The following PCDHGA9 variants were observed in gnomAD, a reference collection of about 807,000 sequenced individuals.
PCDHGA9 encodes the protein protocadherin gamma-A9.
Under a neutral mutation model 62.5 loss-of-function variants are expected in PCDHGA9, and 37 were observed. The observed-to-expected ratio is 0.59, with a 90% CI of 0.46 to 0.78. The LOEUF (loss-of-function observed/expected upper bound fraction) is 0.78, where lower values mean the gene tolerates loss of function less well. PCDHGA9 is among the 30% of genes least tolerant of loss of function. PCDHGA9 has a pLI of 0.00. For missense variants in PCDHGA9, 1,138 were observed against 1,166.2 expected (o/e 0.98, Z 0.35); for synonymous variants, 459 against 484.6 (o/e 0.95, Z 0.69).
rs1193095881 is a variant in PCDHGA9 at position 141,490,273 on chromosome 5, G to T, written c.2425-4534G>T. On this transcript the variant is annotated intron_variant, in intron 1 of 3. Coordinates refer to ENST00000573521, the MANE Select transcript of PCDHGA9 (RefSeq NM_018921.3). This position sits in a 1 kb window ranked among gnomAD's most constrained non-coding sequence, Gnocchi z 5.4. ...TCAAGTGGATGTGGGGGATGTCAAT[G>T]ACAATGCCCCAGAGGTGCTATTGGC... 6.2e-7 allele frequency: 1 copy of T among 1,614,108 alleles called. No homozygotes were observed. The highest frequency in any genetic ancestry group is 8.5e-7 in the Non-Finnish European group (1 of 1,180,052).
chr5:141,404,796 G>T lies in PCDHGA9; in HGVS notation c.1844G>T (p.Gly615Val). Residue 615 changes from glycine (G) to valine (V), a missense_variant, in exon 1 of 4, where the codon GGG (glycine) becomes GTG (valine). Physicochemically the swap from Gly to Val is moderately radical, Grantham distance 109. Transcript: ENST00000573521. ...CGCCTATTCAAGGCCAGTGAGCCAG[G>T]GCTCTTCTCGGTGGGGCTGCACACA... The part of the protein sequence containing the change: ...SYRLFKASEP[G>V]LFSVGLHTGE... 6.2e-7 allele frequency: 1 copy of T among 1,613,970 alleles called. No individual in the cohort carries two copies. The highest frequency in any genetic ancestry group is 8.5e-7 in the Non-Finnish European group (1 of 1,180,026).
At chr5:141,453,087 T>G (rs2098755775) in intron 1 of PCDHGA9, among the ~76,000 whole-genome samples, 1 of 152,150 alleles carries the variant, frequency 6.6e-6, no homozygotes, top group Non-Finnish European at 1.5e-5. Context: ...TTGATTAGTA[T>G]ATTTTCTGTT....
At position 141,487,329 on chromosome 5, in the gene PCDHGA9, C is replaced by T; in HGVS notation, c.2425-7478C>T. On this transcript the variant is annotated intron_variant, in intron 1 of 3. Coordinates refer to ENST00000573521, the MANE Select transcript of PCDHGA9 (RefSeq NM_018921.3). This position sits in a 1 kb window ranked among gnomAD's most constrained non-coding sequence, Gnocchi z 5.0. Reference sequence around the variant, plus strand: ...CTACTCTCTAAGTGTCTTCGTGGGGCAGCCTGTGGAGTCACATGCTTTCCT... The same window carrying T: ...CTACTCTCTAAGTGTCTTCGTGGGGTAGCCTGTGGAGTCACATGCTTTCCT... 1 of 1,614,170 alleles carries T rather than the reference C, an allele frequency of 6.2e-7. No homozygotes were observed. The highest frequency in any genetic ancestry group is 1.1e-5 in the South Asian group (1 of 91,070).
chr5:141,465,689 C>A (rs2099107540), intron 1 of PCDHGA9, among the ~76,000 whole-genome samples: 1 of 152,162 alleles, frequency 6.6e-6, no homozygotes, highest in African/African-American at 2.4e-5. Context: ...GACCAGTCTG[C>A]TTTTGCATTG....
Position 141,404,954 on chromosome 5 carries a change from A to C in PCDHGA9, c.2002A>C (p.Ile668Leu). The C allele has an allele frequency of 6.2e-7, 1 of 1,613,952 alleles. No individual in the cohort carries two copies. The highest frequency in any genetic ancestry group is 8.5e-7 in the Non-Finnish European group (1 of 1,179,876). Residue 668 changes from isoleucine to leucine, a missense_variant, in exon 1 of 4, where the codon ATC (isoleucine) becomes CTC (leucine). Transcript: ENST00000573521. ...VTLTVAIADS[I>L]PDILADLGSL... ...GCTCACAGTAGCCATAGCTGACAGC[A>C]TCCCAGACATCCTGGCTGACCTGGG...
chr5:141,433,289 G>A, intron 1 of PCDHGA9: 1 of 1,130,682 alleles, frequency 8.8e-7, no homozygotes, highest in Non-Finnish European at 1.3e-6. Flanking sequence ...AAACTCCTAG[G>A]CTCAAGCAAT....
At chr5:141,418,128 T>C (rs1386757111) in intron 1 of PCDHGA9, 1 of 1,614,090 alleles carries the variant, frequency 6.2e-7, no homozygotes, top group South Asian at 1.1e-5. Flanking sequence ...AAGGACCGAA[T>C]AGACCGTGAG....
chr5:141,497,084 G>A (rs1417389801), intron 2 of PCDHGA9, among the ~76,000 whole-genome samples: 1 of 152,098 alleles, frequency 6.6e-6, no homozygotes, highest in East Asian at 1.9e-4. Context: ...AGCGACTTAG[G>A]AGGCTGAGGC....
At chr5:141,408,558 T>A (rs748858215) in intron 1 of PCDHGA9, 48 of 1,613,898 alleles carry the variant, frequency 3.0e-5, no homozygotes, top group Non-Finnish European at 5.9e-6. Context: ...ATTTTTCATG[T>A]CATTGTGGTG....
rs774630488 is a variant in PCDHGA9 at position 141,490,640 on chromosome 5, G to A, written c.2425-4167G>A. On this transcript the variant is annotated intron_variant, in intron 1 of 3. Transcript: ENST00000573521. The surrounding 1 kb of genome is among the most constrained non-coding windows in gnomAD (Gnocchi z 5.4). Reference sequence around the variant, plus strand: ...TACACTGCTTACATCCTAGAAAACCGGCCTCCGGGCTCCCTTCTTTGCACT... The same window carrying A: ...TACACTGCTTACATCCTAGAAAACCAGCCTCCGGGCTCCCTTCTTTGCACT... 2.6e-5 allele frequency: 42 copies of A among 1,614,004 alleles called. No individual in the cohort carries two copies. The highest frequency in any genetic ancestry group is 1.6e-4 in the Middle Eastern group (1 of 6,084).
intron 1 of PCDHGA9, chr5:141,420,280 T>C: frequency 6.6e-7 from 1 of 1,513,274 alleles, no homozygotes; most frequent in Non-Finnish European, 8.9e-7. Context: ...AACAGGTAAG[T>C]ATTTAAAAAT....
chr5:141,428,156 C>G, intron 1 of PCDHGA9: 2 of 1,579,884 alleles, frequency 1.3e-6, no homozygotes, highest in Non-Finnish European at 1.7e-6. Flanking sequence ...CGGGAACCTG[C>G]TGGTTGCTGT....
In PCDHGA9 at chr5:141,432,677, C is replaced by T. The variant is rs1241190176; in HGVS notation, c.2424+27301C>T. On this transcript the variant is annotated intron_variant, in intron 1 of 3. Transcript: ENST00000573521. This position sits in a 1 kb window ranked among gnomAD's most constrained non-coding sequence, Gnocchi z 6.0. ...CCTGCTGGACAGAGACGCGCTCAAGCAGAGCCTCGTAGTGGCCGTCCAGGA... is the reference window on the plus strand; with the variant it reads ...CCTGCTGGACAGAGACGCGCTCAAGTAGAGCCTCGTAGTGGCCGTCCAGGA... The T allele has an allele frequency of 1.2e-6, 2 of 1,613,942 alleles. No individual in the cohort carries two copies. The highest frequency in any genetic ancestry group is 1.1e-5 in the South Asian group (1 of 91,076).
chr5:141,511,359 T>C lies in PCDHGA9; in HGVS notation c.*186T>C. The stretch of plus-strand genomic sequence containing the variant: ...CACCTACCCCTTCCCCCCCAGGGGG[T>C]TGAATATGCAAAAGCAGTTCCGCTG... On this transcript the variant is annotated 3_prime_UTR_variant, in exon 4 of 4. Coordinates refer to ENST00000573521, the MANE Select transcript of PCDHGA9 (RefSeq NM_018921.3). The C allele has an allele frequency of 2.2e-6, 3 of 1,339,338 alleles. No homozygotes were observed. In the South Asian group the frequency reaches 4.6e-5, roughly 20 times the overall value. The allele number at this position is 1,339,338 out of a possible 1,614,324, so 83.0% of individuals were successfully genotyped here. A position where few individuals can be genotyped will look rare whatever the true frequency, so the allele number is the denominator to read the frequency against.
chr5:141,423,751 G>GT, intron 1 of PCDHGA9: 12 of 349,026 alleles, frequency 3.4e-5, no homozygotes, highest in Non-Finnish European at 4.3e-5. Context: ...AAAACTGTTT[G>GT]GGGGGGGGGT....
chr5:141,453,318 AG>A (rs1299190594), intron 1 of PCDHGA9, among the ~76,000 whole-genome samples: 2 of 151,458 alleles, frequency 1.3e-5, no homozygotes, highest in Non-Finnish European at 2.9e-5. Context: ...TTTATTTTAG[AG>A]ATGGGGTCTC....
intron 1 of PCDHGA9, among the ~76,000 whole-genome samples, chr5:141,474,312 T>G (rs1358237994): frequency 6.6e-6 from 1 of 152,228 alleles, no homozygotes; most frequent in African/African-American, 2.4e-5. Flanking sequence ...AACTTTAATG[T>G]GTTTTCAAAT....
chr5:141,492,553 G>C (rs1184580300), intron 1 of PCDHGA9, among the ~76,000 whole-genome samples: 1 of 152,148 alleles, frequency 6.6e-6, no homozygotes, highest in Non-Finnish European at 1.5e-5. Flanking sequence ...CGGGTCGCCT[G>C]GGGGGCGGCC....
At position 141,487,610 on chromosome 5, in the gene PCDHGA9, C is replaced by A; in HGVS notation, c.2425-7197C>A. On this transcript the variant is annotated intron_variant, in intron 1 of 3. Transcript: ENST00000573521. The surrounding 1 kb of genome is among the most constrained non-coding windows in gnomAD (Gnocchi z 5.0). ...CCCACCCTCTGATCTTCTCTATGGG[C>A]TAGAGGTGAGACCTTTGCAGGCTCA... The A allele has an allele frequency of 6.2e-7, 1 of 1,614,190 alleles. No homozygotes were observed. The highest frequency in any genetic ancestry group is 1.1e-5 in the South Asian group (1 of 91,078).
Sources: gnomAD v4.1 joint callset for allele counts (sites outside exome capture counted in the v4.1 genomes callset) on GRCh38, gnomAD v4.1.1 for gene constraint, Gnocchi (gnomAD v3.1) non-coding constraint, MANE v1.5 for transcripts, NCBI Gene and HGNC (gene_info 2026-07-23, HGNC 2026-07-21) for gene names.